The following UBAP2 variants were observed in gnomAD, a reference collection of about 807,000 sequenced individuals.
UBAP2 encodes ubiquitin associated protein 2.
UBAP2 carries 75 observed loss-of-function variants against 139.6 expected under a neutral mutation model. That is an observed-to-expected ratio of 0.54 (90% confidence interval 0.45 to 0.65). The LOEUF (loss-of-function observed/expected upper bound fraction) is 0.65, where lower values mean the gene tolerates loss of function less well. Ranked by LOEUF, UBAP2 falls within the 30% of genes least tolerant of loss-of-function variation. UBAP2 has a pLI of 0.00. For synonymous variants in UBAP2, 526 were observed against 526.2 expected, an observed-to-expected ratio of 1.00 and a Z score of 0.01; for missense variants, 1,368 against 1,369.6, an observed-to-expected ratio of 1.00 and a Z score of 0.02.
At chr9:33,999,905 T>TG (rs1822551695) in intron 2 of UBAP2, among the ~76,000 whole-genome samples, 1 of 46,344 alleles carries the variant, frequency 2.2e-5, no homozygotes. Context: ...TATGTATGTA[T>TG]GTTATTTTGA....
At chr9:34,039,188 G>A (rs1312034270) in intron 1 of UBAP2, among the ~76,000 whole-genome samples, 1 of 151,384 alleles carries the variant, frequency 6.6e-6, no homozygotes, top group Non-Finnish European at 1.5e-5. Context: ...CCGGGAGGGA[G>A]GTGGGGGGCA....
At chr9:33,976,960 C>T (rs979158819) in intron 6 of UBAP2, among the ~76,000 whole-genome samples, 7 of 150,628 alleles carry the variant, frequency 4.6e-5, no homozygotes, top group African/African-American at 1.7e-4. Context: ...CGCAGTGAGC[C>T]GAGATGGCGC....
Position 33,922,443 on chromosome 9 carries a change from G to C in UBAP2, c.*61C>G, listed in dbSNP as rs1564012022. ...AAGGGCACTGGGCTCCCAAATACGT[G>C]CTCGTGTGTTCTCTCCTGCCCAGGA... On this transcript the variant is annotated 3_prime_UTR_variant, in exon 29 of 29. Transcript: ENST00000379238. The C allele has an allele frequency of 4.6e-6, 7 of 1,524,606 alleles. No homozygotes were observed. In the African/African-American group the frequency reaches 8.2e-5, roughly 18 times the overall value. The allele number at this position is 1,524,606 out of a possible 1,614,324, so 94.4% of individuals were successfully genotyped here.
At chr9:33,971,421 C>T (rs550987482) in intron 8 of UBAP2, among the ~76,000 whole-genome samples, 1 of 152,296 alleles carries the variant, frequency 6.6e-6, no homozygotes, top group East Asian at 1.9e-4. Context: ...CTTATATAGC[C>T]TCTTTCTTAG....
At chr9:34,038,686 G>C (rs1826701512) in intron 1 of UBAP2, among the ~76,000 whole-genome samples, 1 of 152,156 alleles carries the variant, frequency 6.6e-6, no homozygotes, top group Non-Finnish European at 1.5e-5. Context: ...CGAGATTGTA[G>C]CCTCTGCCCG....
At chr9:33,959,418 T>C (rs1228097804) in intron 10 of UBAP2, among the ~76,000 whole-genome samples, 4 of 152,152 alleles carry the variant, frequency 2.6e-5, no homozygotes, top group Non-Finnish European at 5.9e-5. Flanking sequence ...GTGTGCGTCA[T>C]TGTATATAGT....
chr9:33,976,386 G>C (rs141741440), intron 6 of UBAP2, among the ~76,000 whole-genome samples: 1 of 152,340 alleles, frequency 6.6e-6, no homozygotes, highest in African/African-American at 2.4e-5. Flanking sequence ...TCAGGGTAAA[G>C]GCGATGGGGA....
rs373651964 is a variant in UBAP2 at position 34,045,099 on chromosome 9, G to C, written c.-42+3726C>G. Among the ~76,000 whole-genome samples the C allele has an allele frequency of 6.9e-4, 105 of 152,182 alleles. 1 individual carries two copies. The highest frequency in any genetic ancestry group is 5.0e-3 in the South Asian group (24 of 4,828). ...GCCGTGGCTCACCCCTGTAATCCCA[G>C]CACTTTGGGAGGCCGAGGCGGGCGG... On this transcript the variant is annotated intron_variant, in intron 1 of 28. Coordinates refer to ENST00000379238, the MANE Select transcript of UBAP2 (RefSeq NM_001370062.2).
At chr9:33,985,937 T>C (rs949489211) in intron 6 of UBAP2, among the ~76,000 whole-genome samples, 1 of 151,876 alleles carries the variant, frequency 6.6e-6, no homozygotes, top group African/African-American at 2.4e-5. Context: ...AGGAGGATTG[T>C]TTGAGCCCAG....
chr9:34,017,856 G>A (rs1587668169), intron 1 of UBAP2, among the ~76,000 whole-genome samples: 1 of 152,008 alleles, frequency 6.6e-6, no homozygotes, highest in South Asian at 2.1e-4. Flanking sequence ...GAACCCGGGA[G>A]GCAGAGGTTG....
chr9:33,984,505 A>T (rs1460900915), intron 6 of UBAP2, among the ~76,000 whole-genome samples: 1 of 147,284 alleles, frequency 6.8e-6, no homozygotes, highest in Non-Finnish European at 1.5e-5. Context: ...TCTTAAAAAA[A>T]AAATTTTTTT....
chr9:34,006,238 G>GAA (rs796874509), intron 2 of UBAP2, among the ~76,000 whole-genome samples: 5 of 81,938 alleles, frequency 6.1e-5, no homozygotes, highest in Admixed American at 1.4e-4. Flanking sequence ...ATCTCAAAAA[G>GAA]AAAAAAAAAA....
At chr9:33,930,680 G>A (rs1470168456) in intron 19 of UBAP2, among the ~76,000 whole-genome samples, 2 of 152,016 alleles carry the variant, frequency 1.3e-5, no homozygotes, top group Admixed American at 6.6e-5. Context: ...GGTGGATTAC[G>A]AGGTCAGGAG....
chr9:33,994,723 C>T (rs1822005490), intron 4 of UBAP2: 1 of 151,490 alleles, frequency 6.6e-6, no homozygotes, highest in Non-Finnish European at 1.5e-5. Context: ...TGTTCTCTTA[C>T]ATGGAATTTT....
At chr9:33,965,188 A>G (rs1241228871) in intron 8 of UBAP2, among the ~76,000 whole-genome samples, 2 of 152,190 alleles carry the variant, frequency 1.3e-5, no homozygotes, top group Non-Finnish European at 2.9e-5. Flanking sequence ...CCAAGTGTAC[A>G]ATTTAGTGGC....
At chr9:33,966,479 G>C (rs1827468106) in intron 8 of UBAP2, among the ~76,000 whole-genome samples, 3 of 151,782 alleles carry the variant, frequency 2.0e-5, no homozygotes, top group South Asian at 4.2e-4. Flanking sequence ...ATAAAAAAAA[G>C]AATCAAGTTG....
At chr9:34,048,351 A>G (rs1233719232) in intron 1 of UBAP2, among the ~76,000 whole-genome samples, 3 of 152,310 alleles carry the variant, frequency 2.0e-5, no homozygotes, top group African/African-American at 7.2e-5. Context: ...GACTCCGGGT[A>G]AGCCAGGAAA....
chr9:33,981,859 A>G (rs964928218), intron 6 of UBAP2, among the ~76,000 whole-genome samples: 6 of 145,838 alleles, frequency 4.1e-5, no homozygotes, highest in African/African-American at 1.1e-4. Flanking sequence ...GAGGGAGGGA[A>G]GGAAGGAAGG....
At chr9:33,972,273 G>C (rs1157222546) in intron 7 of UBAP2, among the ~76,000 whole-genome samples, 1 of 152,192 alleles carries the variant, frequency 6.6e-6, no homozygotes, top group Non-Finnish European at 1.5e-5. Context: ...TCATGGTTCA[G>C]AGGTCTAACA....
Sources: gnomAD v4.1 joint callset for allele counts (sites outside exome capture counted in the v4.1 genomes callset) on GRCh38, gnomAD v4.1.1 for gene constraint, MANE v1.5 for transcripts, NCBI Gene and HGNC (gene_info 2026-07-23, HGNC 2026-07-21) for gene names.